PTPN4: variants seen among roughly 807,000 people sequenced by gnomAD.
PTPN4 encodes the protein protein tyrosine phosphatase non-receptor type 4, also known as tyrosine-protein phosphatase non-receptor type 4.
A neutral mutation model predicts 135.5 loss-of-function variants in PTPN4; 49 were observed. That is an observed-to-expected ratio of 0.36 (90% CI 0.29 to 0.46). PTPN4 has a LOEUF of 0.46. Ranked by LOEUF, PTPN4 falls within the 20% of genes least tolerant of loss-of-function variation. PTPN4 has a pLI of 1.00. For synonymous variants in PTPN4, 333 were observed against 369.9 expected (o/e 0.90, Z 1.14); for missense variants, 860 against 1,101.0 (o/e 0.78, Z 3.10).
intron 1 of PTPN4, among the ~76,000 whole-genome samples, chr2:119,762,288 A>G (rs1690521874): frequency 6.6e-6 from 1 of 152,120 alleles, no homozygotes; most frequent in African/African-American, 2.4e-5. Flanking sequence ...AAAAAGTATA[A>G]TAAAGTGGGA....
At chr2:119,814,583 T>G (rs1676960437) in intron 2 of PTPN4, among the ~76,000 whole-genome samples, 1 of 152,198 alleles carries the variant, frequency 6.6e-6, no homozygotes, top group African/African-American at 2.4e-5. Flanking sequence ...ACTGTTAACT[T>G]TTTCTGTCAC....
At chr2:119,780,706 T>A (rs1038384253) in intron 1 of PTPN4, among the ~76,000 whole-genome samples, 2 of 152,250 alleles carry the variant, frequency 1.3e-5, no homozygotes, top group Non-Finnish European at 2.9e-5. Context: ...GATACCAGTT[T>A]TGGTGATGTT....
intron 1 of PTPN4, among the ~76,000 whole-genome samples, chr2:119,774,654 G>A (rs978557038): frequency 1.3e-5 from 2 of 152,172 alleles, no homozygotes; most frequent in African/African-American, 2.4e-5. Context: ...TAGTTTTAGA[G>A]TTTGGCTTAA....
At chr2:119,943,853 A>G (rs753944421) in intron 15 of PTPN4, among the ~76,000 whole-genome samples, 24 of 152,084 alleles carry the variant, frequency 1.6e-4, no homozygotes, top group Non-Finnish European at 3.2e-4. Flanking sequence ...CGGCCTCCCA[A>G]AGTGCTGGGA....
chr2:119,862,393 G>A, intron 2 of PTPN4, 143 bp from the exon 3 acceptor site: 2 of 633,042 alleles, frequency 3.2e-6, no homozygotes, highest in Non-Finnish European at 5.4e-6. Flanking sequence ...TCATTGCCAA[G>A]GCCTGATTTT....
chr2:119,950,267 G>C (rs903437447), intron 18 of PTPN4, among the ~76,000 whole-genome samples: 1 of 152,054 alleles, frequency 6.6e-6, no homozygotes, highest in Non-Finnish European at 1.5e-5. Context: ...GGAACTAATT[G>C]GTATACAAAA....
intron 10 of PTPN4, among the ~76,000 whole-genome samples, chr2:119,904,485 A>G (rs1451617786): frequency 1.3e-5 from 2 of 152,206 alleles, no homozygotes; most frequent in Non-Finnish European, 1.5e-5. Flanking sequence ...CTATTTAAGA[A>G]AATACTAGCT....
At chr2:119,940,282 G>C (rs1679042343) in intron 15 of PTPN4, among the ~76,000 whole-genome samples, 1 of 152,182 alleles carries the variant, frequency 6.6e-6, no homozygotes, top group Non-Finnish European at 1.5e-5. Flanking sequence ...GTCATTATCA[G>C]AATAAAGTAG....
chr2:119,908,329 CTGCATCAAACAACTCTGTTGT>C (rs1230401220), intron 10 of PTPN4, among the ~76,000 whole-genome samples: 3 of 152,268 alleles, frequency 2.0e-5, no homozygotes, highest in South Asian at 4.1e-4. Flanking sequence ...TGTGGCAACC[CTGCATCAAACAACTCTGTTGT>C]TGCCATTTTT....
intron 2 of PTPN4, among the ~76,000 whole-genome samples, chr2:119,851,124 T>C (rs1185955682): frequency 6.6e-6 from 1 of 152,244 alleles, no homozygotes; most frequent in African/African-American, 2.4e-5. Context: ...AATTCTCATC[T>C]AAATGATTTG....
chr2:119,858,017 T>C (rs1162956737), intron 2 of PTPN4, among the ~76,000 whole-genome samples: 1 of 152,186 alleles, frequency 6.6e-6, no homozygotes, highest in South Asian at 2.1e-4. Flanking sequence ...TCTGGTTGAT[T>C]CTGGGACCTC....
In PTPN4 at chr2:119,900,814, C is replaced by T. The variant is rs1466874614; in HGVS notation, c.764+8C>T. The T allele has an allele frequency of 2.0e-6, 3 of 1,478,602 alleles. No homozygotes were observed. The highest frequency in any genetic ancestry group is 4.0e-5 in the Admixed American group (2 of 49,854). 91.6% of individuals were successfully genotyped at this position (1,478,602 alleles called of 1,614,324 possible). A position where few individuals can be genotyped will look rare whatever the true frequency, so the allele number is the denominator to read the frequency against. On this transcript the variant is annotated splice_region_variant and intron_variant, in intron 10 of 26. Coordinates refer to ENST00000263708, the MANE Select transcript of PTPN4 (RefSeq NM_002830.4). ...AATGAATACCTTTCCATGGTAAGAA[C>T]ATCTATTGATACTTTTATGTTTACC...
At chr2:119,827,035 A>G (rs777226120) in intron 2 of PTPN4, among the ~76,000 whole-genome samples, 1 of 152,178 alleles carries the variant, frequency 6.6e-6, no homozygotes, top group Non-Finnish European at 1.5e-5. Context: ...CTCTAAAAAT[A>G]AAATAGTTTT....
At chr2:119,844,227 G>C (rs867653193) in intron 2 of PTPN4, among the ~76,000 whole-genome samples, 1,074 of 73,550 alleles carry the variant, frequency 0.015, no homozygotes, top group East Asian at 0.029. Flanking sequence ...GTAGGGGCGG[G>C]CGGGCAGAGG....
intron 2 of PTPN4, among the ~76,000 whole-genome samples, chr2:119,822,380 A>G (rs1464809340): frequency 3.3e-5 from 3 of 89,748 alleles, no homozygotes; most frequent in African/African-American, 4.2e-5. Flanking sequence ...TTTTTTTGAG[A>G]TGGATTCTCA....
At chr2:119,893,601 G>A (rs1033332329) in intron 9 of PTPN4, among the ~76,000 whole-genome samples, 1 of 152,130 alleles carries the variant, frequency 6.6e-6, no homozygotes, top group Non-Finnish European at 1.5e-5. Context: ...AGTAGATGTT[G>A]AAGAGAACAG....
rs1209007699 is a variant in PTPN4, at chr2:119,957,209, T to TA, written c.2133+134dup. The TA allele has an allele frequency of 7.3e-6, 6 of 825,128 alleles. No homozygotes were observed. In the East Asian group the frequency reaches 1.6e-4, roughly 23 times the overall value. 51.1% of individuals were successfully genotyped at this position (825,128 alleles called of 1,614,324 possible). On this transcript the variant is annotated intron_variant, in intron 22 of 26. Coordinates refer to ENST00000263708, the MANE Select transcript of PTPN4 (RefSeq NM_002830.4). The stretch of plus-strand genomic sequence containing the variant: ...TCAGCTATGAAAAATATTATTGAAG[T>TA]AATATTAAAGAAAATATTTTGGTAC...
At chr2:119,922,218 TAAAA>T (rs34480531) in intron 12 of PTPN4, among the ~76,000 whole-genome samples, 90 of 120,860 alleles carry the variant, frequency 7.4e-4, no homozygotes, top group African/African-American at 2.0e-3. Flanking sequence ...CAATCTGATT[TAAAA>T]AAAAAAAAAA....
chr2:119,846,490 T>C (rs1488669173), intron 2 of PTPN4, among the ~76,000 whole-genome samples: 3 of 152,160 alleles, frequency 2.0e-5, no homozygotes, highest in Non-Finnish European at 4.4e-5. Flanking sequence ...CCTTTACTTA[T>C]TATATATTTG....
Sources: allele counts gnomAD v4.1 joint callset (sites outside exome capture counted in the v4.1 genomes callset), GRCh38; gene constraint gnomAD v4.1.1; transcripts MANE v1.5; gene names NCBI Gene and HGNC (gene_info 2026-07-23, HGNC 2026-07-21).